Variants in RIPK1 observed in about 807,000 individuals in gnomAD.
The protein encoded by RIPK1 is receptor-interacting serine/threonine-protein kinase 1.
In RIPK1, 27 loss-of-function variants were observed where a neutral mutation model predicts 62.4. That is an observed-to-expected ratio of 0.43 (90% CI 0.32 to 0.60). The LOEUF is 0.60. Among genes scored for constraint, RIPK1 ranks in the 20% least tolerant of loss-of-function variants. The pLI is 0.07. For missense variants in RIPK1, 735 were observed against 831.0 expected (o/e 0.88, Z 1.42); for synonymous variants, 287 against 303.2 (o/e 0.95, Z 0.55).
At chr6:3,067,051 ATT>A (rs36132424), upstream of RIPK1, among the ~76,000 whole-genome samples, 423 of 59,048 alleles carry the variant, frequency 7.2e-3, 2 homozygotes, top group African/African-American at 0.026. Context: ...TTGCTCCAGG[ATT>A]TTTTTTTTTT....
intron 5 of RIPK1, 44 bp downstream of exon 5, chr6:3,083,357 C>T: frequency 6.6e-7 from 1 of 1,512,576 alleles, no homozygotes; most frequent in Non-Finnish European, 9.0e-7. Flanking sequence ...TCAGCATCTA[C>T]ACGCACTGTG....
At chr6:3,103,628 A>G (rs935669040) in intron 7 of RIPK1, among the ~76,000 whole-genome samples, 1 of 152,144 alleles carries the variant, frequency 6.6e-6, no homozygotes, top group Non-Finnish European at 1.5e-5. Flanking sequence ...TGATGCACAG[A>G]AGCTTTTAAT....
At chr6:3,103,276 T>C (rs1262173579) in intron 7 of RIPK1, among the ~76,000 whole-genome samples, 1 of 151,384 alleles carries the variant, frequency 6.6e-6, no homozygotes, top group Non-Finnish European at 1.5e-5. Flanking sequence ...TTTGCAACTT[T>C]TTCCCCATTA....
intron 1 of RIPK1, among the ~76,000 whole-genome samples, chr6:3,069,901 C>T (rs1395163912): frequency 6.6e-6 from 1 of 152,062 alleles, no homozygotes; most frequent in East Asian, 1.9e-4. Context: ...ATCCCAGCTA[C>T]GCGGGAGGCT....
chr6:3,093,954 C>T (rs796997722), intron 7 of RIPK1, among the ~76,000 whole-genome samples: 1 of 90,426 alleles, frequency 1.1e-5, no homozygotes, highest in Admixed American at 1.0e-4. Flanking sequence ...GTAACCGCAG[C>T]GCGCCTACCT....
chr6:3,076,696 A>ATACATACATATATATATATATAT lies in RIPK1; in HGVS notation c.-60-68_-60-67insTACATACATATATATATATATAT, dbSNP rs1554113472. 6.5e-4 allele frequency: 155 copies of ATACATACATATATATATATATAT among 238,950 alleles called. 1 individual carries two copies. Among genetic ancestry groups the ATACATACATATATATATATATAT allele is most frequent in the Middle Eastern group, 3.6e-3 (2 of 550 alleles). The allele number at this position is 238,950 out of a possible 1,614,324, so 14.8% of individuals were successfully genotyped here. A position where few individuals can be genotyped will look rare whatever the true frequency, so the allele number is the denominator to read the frequency against. ...CCCTGTCTCCAAAGGAGAAAAAAAA[A>ATACATACATATATATATATATAT]AACATATATATATATATATATATAT... On this transcript the variant is annotated intron_variant, in intron 1 of 10. Coordinates refer to ENST00000259808, the MANE Select transcript of RIPK1 (RefSeq NM_001354930.2).
chr6:3,098,129 G>A (rs1315203623), intron 7 of RIPK1, among the ~76,000 whole-genome samples: 1 of 151,326 alleles, frequency 6.6e-6, no homozygotes, highest in Non-Finnish European at 1.5e-5. Flanking sequence ...GGCCCAGGAG[G>A]CTGCGCCATT....
At chr6:3,103,938 A>G (rs1206939775) in intron 7 of RIPK1, among the ~76,000 whole-genome samples, 1 of 152,220 alleles carries the variant, frequency 6.6e-6, no homozygotes, top group African/African-American at 2.4e-5. Context: ...TAGGCTTTCC[A>G]TTCTGCCCCA....
intron 3 of RIPK1, among the ~76,000 whole-genome samples, chr6:3,079,565 A>G (rs1759270047): frequency 6.6e-6 from 1 of 152,204 alleles, no homozygotes; most frequent in Non-Finnish European, 1.5e-5. Flanking sequence ...GGGAACTGTA[A>G]ATTCCTGGGT....
chr6:3,083,653 T>C (rs1759536981), intron 5 of RIPK1, among the ~76,000 whole-genome samples: 1 of 152,166 alleles, frequency 6.6e-6, no homozygotes, highest in African/African-American at 2.4e-5. Context: ...TGAGTCGGCA[T>C]TGGGAATATA....
In RIPK1 at chr6:3,105,454, C is replaced by T; in HGVS notation, c.1007-28C>T. The T allele has an allele frequency of 6.8e-7, 1 of 1,460,414 alleles. No homozygotes were observed. Among genetic ancestry groups the T allele is most frequent in the East Asian group, 2.3e-5 (1 of 43,696 alleles). The allele number at this position is 1,460,414 out of a possible 1,614,324, so 90.5% of individuals were successfully genotyped here. Reference sequence around the variant, plus strand: ...TTACTTTTTAATGTTTCATGACACCCATTCTAATGTTGATCATTTCTTCTC... The same window carrying T: ...TTACTTTTTAATGTTTCATGACACCTATTCTAATGTTGATCATTTCTTCTC... On this transcript the variant is annotated intron_variant, in intron 8 of 10. Transcript: ENST00000259808. This position sits in a 1 kb window ranked among gnomAD's most constrained non-coding sequence, Gnocchi z 4.5.
chr6:3,107,806 T>C (rs17548559), intron 9 of RIPK1, among the ~76,000 whole-genome samples: 13,649 of 151,944 alleles, frequency 0.09, 1,886 homozygotes, highest in African/African-American at 0.3. Flanking sequence ...TTTCACCTCG[T>C]TCTGGTTCCT....
chr6:3,113,371 G>A lies in RIPK1; in HGVS notation c.*32G>A, dbSNP rs748255729. 48 of 1,590,658 alleles carry A rather than the reference G, an allele frequency of 3.0e-5. No homozygotes were observed. The highest frequency in any genetic ancestry group is 6.9e-5 in the Admixed American group (4 of 57,966). ...ATGGGCTACGGCAGCTGAAGTGGAC[G>A]CCTCACTTAGTGGATAACCCCAGAA... On this transcript the variant is annotated 3_prime_UTR_variant, in exon 11 of 11. Transcript: ENST00000259808. This position sits in a 1 kb window ranked among gnomAD's most constrained non-coding sequence, Gnocchi z 5.0.
chr6:3,071,336 G>C (rs1365368316), intron 1 of RIPK1, among the ~76,000 whole-genome samples: 2 of 152,168 alleles, frequency 1.3e-5, no homozygotes, highest in Non-Finnish European at 2.9e-5. Flanking sequence ...GAAGGTAATC[G>C]TGAAATTCCT....
At chr6:3,090,855 G>GCGCC (rs1421429853) in intron 7 of RIPK1, among the ~76,000 whole-genome samples, 1 of 97,084 alleles carries the variant, frequency 1.0e-5, no homozygotes, top group Non-Finnish European at 1.8e-5. Flanking sequence ...TAACCGCAGA[G>GCGCC]TACCTACCTG....
In RIPK1 at chr6:3,105,236, C is replaced by A. The variant is rs1199293539; in HGVS notation, c.1007-246C>A. ...CCAAGTCCCTTTTTTCCTTGATCAT[C>A]CCTGCAACAGCCGCTTTTCTCTTGC... On this transcript the variant is annotated intron_variant, in intron 8 of 10. Coordinates refer to ENST00000259808, the MANE Select transcript of RIPK1 (RefSeq NM_001354930.2). The surrounding 1 kb of genome is among the most constrained non-coding windows in gnomAD (Gnocchi z 4.5). 6.6e-6 allele frequency among the ~76,000 whole-genome samples: 1 copy of A among 152,154 alleles called. No homozygotes were observed. The highest frequency in any genetic ancestry group is 6.6e-5 in the Admixed American group (1 of 15,262).
chr6:3,074,024 C>A (rs1445646392), intron 1 of RIPK1, among the ~76,000 whole-genome samples: 1 of 152,196 alleles, frequency 6.6e-6, no homozygotes, highest in Non-Finnish European at 1.5e-5. Flanking sequence ...GCATGCATAC[C>A]ATAGCTAGAG....
intron 5 of RIPK1, among the ~76,000 whole-genome samples, chr6:3,084,383 CTTT>C (rs1460660151): frequency 6.6e-6 from 1 of 152,114 alleles, no homozygotes; most frequent in East Asian, 1.9e-4. Flanking sequence ...ACCCTCCCTT[CTTT>C]GTCAGTGTGC....
At chr6:3,097,410 G>A (rs1215628403) in intron 7 of RIPK1, among the ~76,000 whole-genome samples, 1 of 108,822 alleles carries the variant, frequency 9.2e-6, no homozygotes, top group South Asian at 2.8e-4. Flanking sequence ...AGATACTGTT[G>A]GAATGGAGTT....
Sources: gnomAD v4.1 joint callset for allele counts (sites outside exome capture counted in the v4.1 genomes callset) on GRCh38, gnomAD v4.1.1 for gene constraint, Gnocchi (gnomAD v3.1) non-coding constraint, MANE v1.5 for transcripts, NCBI Gene and HGNC (gene_info 2026-07-23, HGNC 2026-07-21) for gene names.